Variants in RSBN1L observed in about 807,000 individuals in gnomAD.
The protein encoded by RSBN1L is round spermatid basic protein 1 like, also known as lysine-specific demethylase RSBN1L.
In RSBN1L, 30 loss-of-function variants were observed where a neutral mutation model predicts 67.7. That is an observed-to-expected ratio of 0.44 (90% CI 0.33 to 0.60). The LOEUF (loss-of-function observed/expected upper bound fraction) is 0.60, where lower values mean the gene tolerates loss of function less well. RSBN1L is among the 20% of genes least tolerant of loss of function. RSBN1L has a pLI of 0.02. For missense variants in RSBN1L, 992 were observed against 1,031.7 expected (o/e 0.96, Z 0.53); for synonymous variants, 433 against 387.0 (o/e 1.12, Z -1.39).
intron 4 of RSBN1L, among the ~76,000 whole-genome samples, chr7:77,766,134 C>T (rs555252395): frequency 2.0e-5 from 3 of 152,344 alleles, no homozygotes; most frequent in Non-Finnish European, 4.4e-5. Flanking sequence ...TTTAAACTTT[C>T]TGGGCTTCAG....
At chr7:77,759,972 T>C (rs1011485002) in intron 3 of RSBN1L, among the ~76,000 whole-genome samples, 2 of 152,232 alleles carry the variant, frequency 1.3e-5, no homozygotes, top group African/African-American at 4.8e-5. Flanking sequence ...GAACATGTTT[T>C]GGGAAACAGC....
At chr7:77,765,856 C>T (rs1314720511) in intron 4 of RSBN1L, among the ~76,000 whole-genome samples, 1 of 152,118 alleles carries the variant, frequency 6.6e-6, no homozygotes, top group East Asian at 1.9e-4. Context: ...TGCGACATCT[C>T]AGGTTCTAAT....
chr7:77,773,961 C>G (rs11771619), intron 6 of RSBN1L, among the ~76,000 whole-genome samples: 1 of 152,148 alleles, frequency 6.6e-6, no homozygotes, highest in Admixed American at 6.5e-5. Context: ...GTATTTATCA[C>G]ATAAGGAAAC....
At chr7:77,717,049 C>T (rs542262831) in intron 1 of RSBN1L, among the ~76,000 whole-genome samples, 1 of 151,826 alleles carries the variant, frequency 6.6e-6, no homozygotes, top group Admixed American at 6.6e-5. Context: ...CAGTCTGGAA[C>T]TGCTGGCCTT....
At chr7:77,726,753 G>A (rs1338788761) in intron 1 of RSBN1L, among the ~76,000 whole-genome samples, 21 of 150,366 alleles carry the variant, frequency 1.4e-4, no homozygotes, top group African/African-American at 4.7e-4. Context: ...GGGACTACAG[G>A]CGCGTGCCAC....
rs1386081583 is a variant in RSBN1L at position 77,779,139 on chromosome 7, G to A, written c.2512G>A (p.Asp838Asn). ...RQHSSAHSNQ[D>N]KKDDDILC ...ACACAGTTCAGCACATTCAAATCAA[G>A]ATAAAAAAGACGATGACATTTTGTG... The change falls in exon 8 of 8, where the codon GAT (aspartate) becomes AAT (asparagine). Residue 838 changes from aspartate to asparagine, a missense_variant. Coordinates refer to ENST00000334955, the MANE Select transcript of RSBN1L (RefSeq NM_198467.3). The A allele has an allele frequency of 6.3e-7, 1 of 1,585,732 alleles. No homozygotes were observed. Among genetic ancestry groups the A allele is most frequent in the Non-Finnish European group, 8.5e-7 (1 of 1,170,340 alleles).
At chr7:77,716,529 T>C (rs1791050729) in intron 1 of RSBN1L, among the ~76,000 whole-genome samples, 1 of 151,306 alleles carries the variant, frequency 6.6e-6, no homozygotes, top group South Asian at 2.1e-4. Flanking sequence ...TGTCACGCTC[T>C]AGATATTTTC....
chr7:77,768,634 G>A (rs770828149), intron 4 of RSBN1L, 27 bp from the exon 5 acceptor site: 2 of 1,593,418 alleles, frequency 1.3e-6, no homozygotes, highest in Non-Finnish European at 1.7e-6. Flanking sequence ...GAAAATAATT[G>A]CAATCTGCAT....
At chr7:77,773,403 G>A (rs1791871578) in intron 6 of RSBN1L, 89 bp downstream of exon 6, 3 of 940,182 alleles carry the variant, frequency 3.2e-6, no homozygotes, top group Admixed American at 5.8e-5. Flanking sequence ...CCTTACTGTG[G>A]GAAAAAAGTT....
At chr7:77,750,950 AG>A (rs1222700455) in intron 3 of RSBN1L, among the ~76,000 whole-genome samples, 1 of 152,204 alleles carries the variant, frequency 6.6e-6, no homozygotes, top group Non-Finnish European at 1.5e-5. Context: ...TGTCAGGATT[AG>A]AACAAAATCT....
At chr7:77,723,714 T>G (rs1791153400) in intron 1 of RSBN1L, among the ~76,000 whole-genome samples, 1 of 151,996 alleles carries the variant, frequency 6.6e-6, no homozygotes, top group Non-Finnish European at 1.5e-5. Context: ...GGTGGGAGGA[T>G]CACAAGGTTA....
intron 3 of RSBN1L, among the ~76,000 whole-genome samples, chr7:77,757,597 G>A (rs1167787402): frequency 6.6e-6 from 1 of 152,258 alleles, no homozygotes; most frequent in African/African-American, 2.4e-5. Context: ...ATTTATCACA[G>A]TTCTTTGGGC....
intron 1 of RSBN1L, among the ~76,000 whole-genome samples, chr7:77,723,341 A>G (rs887013706): frequency 5.9e-5 from 9 of 152,172 alleles, no homozygotes; most frequent in African/African-American, 1.9e-4. Context: ...ACCTATATAA[A>G]GAATTTCCTA....
chr7:77,703,132 C>T (rs2150411308), intron 1 of RSBN1L, among the ~76,000 whole-genome samples: 1 of 152,262 alleles, frequency 6.6e-6, no homozygotes, highest in Non-Finnish European at 1.5e-5. Flanking sequence ...CCTAGTCTCC[C>T]TGTTTTCATA....
chr7:77,727,124 G>T (rs1791214575), intron 1 of RSBN1L, among the ~76,000 whole-genome samples: 1 of 142,112 alleles, frequency 7.0e-6, no homozygotes, highest in Admixed American at 7.3e-5. Flanking sequence ...TTTCGCTCTT[G>T]TTGCCCAGGC....
At chr7:77,699,866 G>A (rs544553960) in intron 1 of RSBN1L, among the ~76,000 whole-genome samples, 3 of 150,932 alleles carry the variant, frequency 2.0e-5, no homozygotes, top group East Asian at 2.0e-4. Flanking sequence ...GCGCGATCTC[G>A]GCTCGCTGCA....
In RSBN1L at chr7:77,780,554, A is replaced by T. The variant is rs773370306; in HGVS notation, c.*1386A>T. 1 of 152,246 alleles carries T rather than the reference A, an allele frequency of 6.6e-6. No homozygotes were observed. The highest frequency in any genetic ancestry group is 2.4e-5 in the African/African-American group (1 of 41,462). The allele number at this position is 152,246 out of a possible 1,614,324, so 9.4% of individuals were successfully genotyped here. A position where few individuals can be genotyped will look rare whatever the true frequency, so the allele number is the denominator to read the frequency against. ...TTTAGTTACAGAAAGCTTGTGAGCA[A>T]TTAAAATCCTTTTACATTTTTCTTG... On this transcript the variant is annotated 3_prime_UTR_variant, in exon 8 of 8. Transcript: ENST00000334955.
intron 1 of RSBN1L, among the ~76,000 whole-genome samples, chr7:77,711,158 A>G (rs541141898): frequency 1.1e-4 from 17 of 152,308 alleles, no homozygotes; most frequent in African/African-American, 3.4e-4. Context: ...AGCAGCTCAT[A>G]GACAACAGGC....
At chr7:77,736,644 G>T in intron 2 of RSBN1L, 118 bp downstream of exon 2, 1 of 454,380 alleles carries the variant, frequency 2.2e-6, no homozygotes, top group Non-Finnish European at 3.8e-6. Flanking sequence ...AATGAACAAT[G>T]ATGAGGAAAT....
Sources: gnomAD v4.1 joint callset for allele counts (sites outside exome capture counted in the v4.1 genomes callset) on GRCh38, gnomAD v4.1.1 for gene constraint, MANE v1.5 for transcripts, NCBI Gene and HGNC (gene_info 2026-07-23, HGNC 2026-07-21) for gene names.